The following ANTXR1 variants were observed in gnomAD, a reference collection of about 807,000 sequenced individuals.
ANTXR1 encodes the protein ANTXR cell adhesion molecule 1.
In ANTXR1, 19 loss-of-function variants were observed where a neutral mutation model predicts 78.1. The observed-to-expected ratio is 0.24, with a 90% CI of 0.17 to 0.36. The LOEUF is 0.36. Ranked by LOEUF, ANTXR1 falls within the 10% of genes least tolerant of loss-of-function variation. The probability of loss-of-function intolerance (pLI) is 1.00; values close to 1 mark genes in which losing one functional copy is unlikely to be tolerated. For synonymous variants in ANTXR1, 273 were observed against 260.5 expected, an observed-to-expected ratio of 1.05 and a Z score of -0.46; for missense variants, 518 against 718.6, an observed-to-expected ratio of 0.72 and a Z score of 3.19.
At chr2:69,040,461 G>C (rs72827611) in intron 2 of ANTXR1, among the ~76,000 whole-genome samples, 5,581 of 152,280 alleles carry the variant, frequency 0.037, 129 homozygotes, top group Middle Eastern at 0.12. Context: ...CTCACGTGTA[G>C]GGTGTACAGT....
intron 1 of ANTXR1, among the ~76,000 whole-genome samples, chr2:69,035,721 G>C (rs576316617): frequency 2.3e-4 from 35 of 152,328 alleles, no homozygotes; most frequent in African/African-American, 8.4e-4. Flanking sequence ...AGCAGCGACA[G>C]GGCAGCTGTT....
At chr2:69,238,589 G>T (rs1173150989) in intron 17 of ANTXR1, among the ~76,000 whole-genome samples, 2 of 152,136 alleles carry the variant, frequency 1.3e-5, no homozygotes, top group Admixed American at 1.3e-4. Flanking sequence ...TTGTGGTCTA[G>T]CCTGAGTTTA....
chr2:69,178,237 T>G (rs1245613268), intron 14 of ANTXR1, among the ~76,000 whole-genome samples: 2 of 152,194 alleles, frequency 1.3e-5, no homozygotes, highest in African/African-American at 2.4e-5. Context: ...CTTCTCTTCC[T>G]GGGGATTGCA....
At chr2:69,133,570 G>C (rs1479764890) in intron 12 of ANTXR1, among the ~76,000 whole-genome samples, 1 of 152,216 alleles carries the variant, frequency 6.6e-6, no homozygotes, top group South Asian at 2.1e-4. Context: ...AATTTAGCAT[G>C]TGTATGCTTT....
intron 14 of ANTXR1, among the ~76,000 whole-genome samples, chr2:69,178,151 C>T (rs746237526): frequency 2.6e-5 from 4 of 152,192 alleles, no homozygotes; most frequent in Non-Finnish European, 4.4e-5. Flanking sequence ...TGCCGAGTTT[C>T]TTAGTGGCCT....
At chr2:69,017,424 C>G (rs1250889072) in intron 1 of ANTXR1, among the ~76,000 whole-genome samples, 1 of 152,162 alleles carries the variant, frequency 6.6e-6, no homozygotes, top group Non-Finnish European at 1.5e-5. Flanking sequence ...TCTCCCAATC[C>G]CTGCAACTCC....
intron 14 of ANTXR1, among the ~76,000 whole-genome samples, chr2:69,179,524 C>A (rs201286628): frequency 3.1e-3 from 425 of 135,556 alleles, no homozygotes; most frequent in Admixed American, 2.9e-3. Flanking sequence ...ACCCTGTCTC[C>A]AAAAAAAAAA....
At chr2:69,026,422 T>A (rs1273316537) in intron 1 of ANTXR1, among the ~76,000 whole-genome samples, 1 of 152,234 alleles carries the variant, frequency 6.6e-6, no homozygotes, top group African/African-American at 2.4e-5. Context: ...TTGGCCACAC[T>A]GGAAATGCTA....
intron 9 of ANTXR1, among the ~76,000 whole-genome samples, chr2:69,096,641 T>C (rs972077359): frequency 2.6e-5 from 4 of 152,164 alleles, no homozygotes; most frequent in Admixed American, 6.5e-5. Context: ...TCTGCATATA[T>C]ATTCTTCTTG....
At position 69,073,023 on chromosome 2, in the gene ANTXR1, G is replaced by A. The variant is rs1240913214; in HGVS notation, c.414G>A (p.Gly138=). 6.2e-7 allele frequency: 1 copy of A among 1,613,962 alleles called. No homozygotes were observed. The highest frequency in any genetic ancestry group is 8.5e-7 in the Non-Finnish European group (1 of 1,179,850). Residue 138 remains glycine (G), a splice_region_variant and synonymous_variant, in exon 6 of 18, where the codon GGG becomes GGA. Transcript: ENST00000303714. ...SEQIYYENRQ[G]YRTASVIIAL... ...GCCAGTCTGTATTGTGTTAAACAGG[G>A]TACAGGACAGCCAGCGTCATCATTG...
intron 12 of ANTXR1, among the ~76,000 whole-genome samples, chr2:69,147,633 A>G (rs1673264867): frequency 6.6e-6 from 1 of 152,280 alleles, no homozygotes. Context: ...CTAAATTGTT[A>G]TAAATCTGAA....
chr2:69,160,596 G>T (rs1283296100), intron 13 of ANTXR1, among the ~76,000 whole-genome samples: 1 of 152,092 alleles, frequency 6.6e-6, no homozygotes, highest in African/African-American at 2.4e-5. Flanking sequence ...GTACTCAGGG[G>T]CAGCATTTCC....
At chr2:69,033,967 AG>A (rs1445310734) in intron 1 of ANTXR1, among the ~76,000 whole-genome samples, 1 of 152,232 alleles carries the variant, frequency 6.6e-6, no homozygotes, top group East Asian at 1.9e-4. Context: ...TAAACAGAAA[AG>A]AATGCACTTC....
At position 69,151,609 on chromosome 2, in the gene ANTXR1, C is replaced by T. The variant is rs368237306; in HGVS notation, c.952-560C>T. Among the ~76,000 whole-genome samples, 12 of 152,314 alleles carry T rather than the reference C, an allele frequency of 7.9e-5. No individual in the cohort carries two copies. In the East Asian group the frequency reaches 1.5e-3, roughly 20 times the overall value. ...GCCACTTGATCTGACTGTAGCCCCT[C>T]GCCTCCCAGGTTCAGCAGCCGTTGC... On this transcript the variant is annotated intron_variant, in intron 12 of 17. Coordinates refer to ENST00000303714, the MANE Select transcript of ANTXR1 (RefSeq NM_032208.3).
At chr2:69,108,239 G>T (rs1671871999) in intron 10 of ANTXR1, among the ~76,000 whole-genome samples, 1 of 152,068 alleles carries the variant, frequency 6.6e-6, no homozygotes, top group Admixed American at 6.5e-5. Context: ...TCTGATAATA[G>T]ATATAAATAC....
intron 13 of ANTXR1, among the ~76,000 whole-genome samples, chr2:69,154,886 G>T (rs1468331699): frequency 6.6e-6 from 1 of 152,218 alleles, no homozygotes; most frequent in Admixed American, 6.5e-5. Context: ...AAGGGGTGGG[G>T]GATGAAGTCC....
At chr2:69,217,330 G>A (rs887905282) in intron 17 of ANTXR1, among the ~76,000 whole-genome samples, 1 of 152,228 alleles carries the variant, frequency 6.6e-6, no homozygotes, top group East Asian at 1.9e-4. Flanking sequence ...AGGCCTTACT[G>A]GAGAGGATGG....
At chr2:69,115,882 G>A (rs888685572) in intron 10 of ANTXR1, among the ~76,000 whole-genome samples, 1 of 152,186 alleles carries the variant, frequency 6.6e-6, no homozygotes, top group Non-Finnish European at 1.5e-5. Context: ...GGCCAGCTTG[G>A]TTCTGCCACT....
chr2:69,173,509 C>A (rs956632262), intron 14 of ANTXR1, among the ~76,000 whole-genome samples: 4 of 152,184 alleles, frequency 2.6e-5, no homozygotes, highest in African/African-American at 9.7e-5. Flanking sequence ...TAGTAAGCCC[C>A]GTGGCCATGG....
Sources: allele counts gnomAD v4.1 joint callset (sites outside exome capture counted in the v4.1 genomes callset), GRCh38; gene constraint gnomAD v4.1.1; transcripts MANE v1.5; gene names NCBI Gene and HGNC (gene_info 2026-07-23, HGNC 2026-07-21).